The following SUFU variants were observed in gnomAD, a reference collection of about 807,000 sequenced individuals.
SUFU encodes SUFU negative regulator of hedgehog signaling.
In SUFU, 7 loss-of-function variants were observed where a neutral mutation model predicts 58.9. The ratio of observed to expected loss-of-function variants is 0.12; its 90% CI spans 0.07 to 0.22. The LOEUF is 0.22. Among genes scored for constraint, SUFU ranks in the 10% least tolerant of loss-of-function variants. The pLI is 1.00. For synonymous variants in SUFU, 232 were observed against 254.8 expected, an observed-to-expected ratio of 0.91 and a Z score of 0.85; for missense variants, 451 against 641.3, an observed-to-expected ratio of 0.70 and a Z score of 3.20.
intron 8 of SUFU, among the ~76,000 whole-genome samples, chr10:102,604,021 G>A (rs910188397): frequency 3.9e-5 from 6 of 152,248 alleles, no homozygotes; most frequent in Admixed American, 1.3e-4. Flanking sequence ...GGTGCCGCTC[G>A]CACGAAGGGC....
chr10:102,553,752 C>T (rs929429832), intron 3 of SUFU, among the ~76,000 whole-genome samples: 3 of 150,874 alleles, frequency 2.0e-5, no homozygotes, highest in Non-Finnish European at 3.0e-5. Flanking sequence ...CGTGAGCCAC[C>T]GCGCCCGGCC....
chr10:102,571,875 T>C (rs1379941130), intron 3 of SUFU, among the ~76,000 whole-genome samples: 2 of 152,206 alleles, frequency 1.3e-5, no homozygotes. Context: ...GCATTCTTAT[T>C]TGAGGCTCCC....
chr10:102,619,313 G>A lies in SUFU; in HGVS notation c.1296+1885G>A. Reference sequence around the variant, plus strand: ...CCACAACCCCCTCACCTCCCTGGCAGCCCCTCAGCGAGCCTGAGGCCCAGC... The same window carrying A: ...CCACAACCCCCTCACCTCCCTGGCAACCCCTCAGCGAGCCTGAGGCCCAGC... On this transcript the variant is annotated intron_variant, in intron 10 of 11. Transcript: ENST00000369902. The surrounding 1 kb of genome is among the most constrained non-coding windows in gnomAD (Gnocchi z 4.2). 7.0e-7 allele frequency: 1 copy of A among 1,435,608 alleles called. No homozygotes were observed. Among genetic ancestry groups the A allele is most frequent in the African/African-American group, 1.4e-5 (1 of 69,998 alleles). The allele number at this position is 1,435,608 out of a possible 1,614,324, so 88.9% of individuals were successfully genotyped here.
At chr10:102,600,726 G>A (rs895306401) in intron 8 of SUFU, among the ~76,000 whole-genome samples, 1 of 152,184 alleles carries the variant, frequency 6.6e-6, no homozygotes, top group Admixed American at 6.5e-5. Flanking sequence ...GGGAGGCCTG[G>A]CTGGTTAAAG....
chr10:102,628,526 A>G lies in SUFU; in HGVS notation c.1365+1283A>G, dbSNP rs965802576. Among the ~76,000 whole-genome samples the G allele has an allele frequency of 6.6e-6, 1 of 152,168 alleles. No individual in the cohort carries two copies. Among genetic ancestry groups the G allele is most frequent in the South Asian group, 2.1e-4 (1 of 4,830 alleles). ...AGCGCTTCCGGAGAGGCCTTGTCGC[A>G]CTGGGATGGCGCTGTGCCAGGCTGC... is the stretch of plus-strand genomic sequence containing the variant. On this transcript the variant is annotated intron_variant, in intron 11 of 11. Coordinates refer to ENST00000369902, the MANE Select transcript of SUFU (RefSeq NM_016169.4). The surrounding 1 kb of genome is among the most constrained non-coding windows in gnomAD (Gnocchi z 4.5).
intron 3 of SUFU, among the ~76,000 whole-genome samples, chr10:102,554,378 G>A (rs548155584): frequency 7.2e-5 from 11 of 152,214 alleles, no homozygotes; most frequent in African/African-American, 2.4e-4. Flanking sequence ...ACTCCAGCTT[G>A]GGCAACAAGA....
At chr10:102,558,919 G>A (rs1446762961) in intron 3 of SUFU, among the ~76,000 whole-genome samples, 1 of 152,200 alleles carries the variant, frequency 6.6e-6, no homozygotes, top group East Asian at 1.9e-4. Context: ...GACCAGAGTG[G>A]CCTAACAATA....
chr10:102,532,964 G>T (rs2062692811), intron 2 of SUFU, among the ~76,000 whole-genome samples: 1 of 152,134 alleles, frequency 6.6e-6, no homozygotes, highest in African/African-American at 2.4e-5. Context: ...TGAGGAAGAG[G>T]TTGTTGGCCA....
At chr10:102,570,241 AT>A (rs2063146614) in intron 3 of SUFU, among the ~76,000 whole-genome samples, 1 of 151,490 alleles carries the variant, frequency 6.6e-6, no homozygotes, top group Non-Finnish European at 1.5e-5. Context: ...ATATTTATTT[AT>A]TTATTTATTT....
intron 2 of SUFU, among the ~76,000 whole-genome samples, chr10:102,527,692 A>G (rs1432485939): frequency 6.6e-6 from 1 of 152,176 alleles, no homozygotes; most frequent in Admixed American, 6.5e-5. Flanking sequence ...TTGCTCAGCC[A>G]TGACATGATG....
In SUFU at chr10:102,633,194, C is replaced by T. The variant is rs2063852113; in HGVS notation, c.*3039C>T. The T allele has an allele frequency of 1.3e-5, 3 of 233,208 alleles. No individual in the cohort carries two copies. Among genetic ancestry groups the T allele is most frequent in the African/African-American group, 4.4e-5 (2 of 45,300 alleles). 14.4% of individuals were successfully genotyped at this position (233,208 alleles called of 1,614,324 possible). Reference sequence around the variant, plus strand: ...TTTCTGGCTTCTAGGACATCCATGCCAGGTGAGGTGCCTGGGTCCCTGTTA... The same window carrying T: ...TTTCTGGCTTCTAGGACATCCATGCTAGGTGAGGTGCCTGGGTCCCTGTTA... On this transcript the variant is annotated 3_prime_UTR_variant, in exon 12 of 12. Coordinates refer to ENST00000369902, the MANE Select transcript of SUFU (RefSeq NM_016169.4).
chr10:102,607,889 C>T (rs764853868), intron 8 of SUFU, among the ~76,000 whole-genome samples: 27 of 149,986 alleles, frequency 1.8e-4, no homozygotes, highest in African/African-American at 5.9e-4. Context: ...CCAGCCTGGG[C>T]GACAGAGCAA....
intron 3 of SUFU, among the ~76,000 whole-genome samples, chr10:102,584,653 A>C (rs2063318294): frequency 6.6e-6 from 1 of 152,224 alleles, no homozygotes; most frequent in Admixed American, 6.5e-5. Flanking sequence ...TTACCACTTG[A>C]GGTAAGCAAC....
At chr10:102,547,138 T>G (rs776043592) in intron 2 of SUFU, among the ~76,000 whole-genome samples, 4 of 152,222 alleles carry the variant, frequency 2.6e-5, no homozygotes, top group East Asian at 1.9e-4. Flanking sequence ...ATGAAAGCCC[T>G]GGAGTAATAG....
chr10:102,573,302 CA>C (rs1376234416), intron 3 of SUFU: 4 of 565,800 alleles, frequency 7.1e-6, no homozygotes, highest in East Asian at 6.5e-5. Flanking sequence ...TGGCTACTAT[CA>C]AAAAAAGAAA....
chr10:102,563,106 G>A (rs2063055081), intron 3 of SUFU, among the ~76,000 whole-genome samples: 1 of 152,118 alleles, frequency 6.6e-6, no homozygotes. Context: ...CCTGCTCTGC[G>A]TGCTCCAGCC....
Position 102,533,828 on chromosome 10 carries a change from A to G in SUFU, c.318-16142A>G, listed in dbSNP as rs557396130. ...AGATCCCTAACTGAATTACATTTGC[A>G]AAGTCCCTTTTGCCATTTAAGGTAG... On this transcript the variant is annotated intron_variant, in intron 2 of 11. Transcript: ENST00000369902. 1.4e-3 allele frequency among the ~76,000 whole-genome samples: 208 copies of G among 152,328 alleles called. 1 individual carries two copies. Among genetic ancestry groups the G allele is most frequent in the African/African-American group, 4.8e-3 (201 of 41,578 alleles).
At chr10:102,583,743 A>G (rs986372371) in intron 3 of SUFU, among the ~76,000 whole-genome samples, 11 of 151,760 alleles carry the variant, frequency 7.2e-5, no homozygotes, top group Admixed American at 2.0e-4. Flanking sequence ...TTTAGGGTAC[A>G]TGTGCACAAC....
At chr10:102,510,487 C>A (rs914832758) in intron 2 of SUFU, among the ~76,000 whole-genome samples, 4 of 992 alleles carry the variant, frequency 4.0e-3, no homozygotes, top group African/African-American at 0.011. Flanking sequence ...GGATTACAGG[C>A]GTGACGACTG....
Sources: gnomAD v4.1 joint callset for allele counts (sites outside exome capture counted in the v4.1 genomes callset) on GRCh38, gnomAD v4.1.1 for gene constraint, Gnocchi (gnomAD v3.1) non-coding constraint, MANE v1.5 for transcripts, NCBI Gene and HGNC (gene_info 2026-07-23, HGNC 2026-07-21) for gene names.